The following FGF12 variants were observed in gnomAD, a reference collection of about 807,000 sequenced individuals.
FGF12 encodes fibroblast growth factor 12, also known as fibroblast growth factor 12B.
FGF12 carries 14 observed loss-of-function variants against 23.6 expected under a neutral mutation model. That is an observed-to-expected ratio of 0.59 (90% confidence interval 0.39 to 0.93). The LOEUF (loss-of-function observed/expected upper bound fraction) is 0.93, where lower values mean the gene tolerates loss of function less well. FGF12 is among the 40% of genes least tolerant of loss of function. The pLI is 0.00. For synonymous variants in FGF12, 62 were observed against 77.3 expected (o/e 0.80, Z 1.04); for missense variants, 175 against 217.8 (o/e 0.80, Z 1.24).
chr3:192,321,711 A>G (rs1011591016), intron 4 of FGF12, among the ~76,000 whole-genome samples: 14 of 152,184 alleles, frequency 9.2e-5, no homozygotes, highest in African/African-American at 3.4e-4. Flanking sequence ...AATGAAGAAC[A>G]GAAATCATAT....
intron 2 of FGF12, among the ~76,000 whole-genome samples, chr3:192,645,747 A>G (rs1484685465): frequency 2.7e-5 from 4 of 147,076 alleles, no homozygotes; most frequent in African/African-American, 1.0e-4. Context: ...TGCTGAGGAT[A>G]CAGCAGTTGA....
intron 2 of FGF12, among the ~76,000 whole-genome samples, chr3:192,533,423 C>A (rs1725144616): frequency 6.6e-6 from 1 of 152,050 alleles, no homozygotes; most frequent in African/African-American, 2.4e-5. Context: ...GGGCCTGCAC[C>A]TATAATGAAA....
intron 2 of FGF12, among the ~76,000 whole-genome samples, chr3:192,632,436 C>A (rs1213636668): frequency 6.6e-6 from 1 of 152,132 alleles, no homozygotes; most frequent in African/African-American, 2.4e-5. Context: ...TAAAGACTTA[C>A]AAAATTTTGT....
chr3:192,587,027 G>A (rs1027965610), intron 2 of FGF12, among the ~76,000 whole-genome samples: 11 of 152,004 alleles, frequency 7.2e-5, no homozygotes, highest in African/African-American at 9.7e-5. Flanking sequence ...CACTGACCCC[G>A]GGGGGTCTAC....
chr3:192,401,145 T>C (rs1720744472), intron 2 of FGF12, among the ~76,000 whole-genome samples: 1 of 152,252 alleles, frequency 6.6e-6, no homozygotes, highest in Non-Finnish European at 1.5e-5. Flanking sequence ...ATCTTTATTT[T>C]CCAAAACAAA....
At chr3:192,567,763 TTC>T (rs1200513731) in intron 2 of FGF12, among the ~76,000 whole-genome samples, 1 of 131,778 alleles carries the variant, frequency 7.6e-6, no homozygotes, top group Admixed American at 7.8e-5. Flanking sequence ...CTTTCTTTCT[TTC>T]TTTCTTTCTT....
At chr3:192,404,227 A>G (rs1720874255) in intron 2 of FGF12, among the ~76,000 whole-genome samples, 1 of 152,160 alleles carries the variant, frequency 6.6e-6, no homozygotes, top group Non-Finnish European at 1.5e-5. Context: ...AAACACCCAC[A>G]TCACTTAAAA....
chr3:192,191,845 A>T (rs927339496), intron 4 of FGF12, among the ~76,000 whole-genome samples: 6 of 152,180 alleles, frequency 3.9e-5, no homozygotes, highest in Admixed American at 1.3e-4. Context: ...CAAAAAAAAA[A>T]AAAAGCCTTT....
intron 2 of FGF12, among the ~76,000 whole-genome samples, chr3:192,433,532 G>A (rs1005165493): frequency 2.0e-5 from 3 of 152,060 alleles, no homozygotes; most frequent in Non-Finnish European, 4.4e-5. Flanking sequence ...TATAATTTTT[G>A]TCTGTAAATG....
chr3:192,722,167 G>A (rs964311611), intron 2 of FGF12, among the ~76,000 whole-genome samples: 6 of 152,112 alleles, frequency 3.9e-5, no homozygotes, highest in African/African-American at 9.7e-5. Context: ...GACCCAAAGA[G>A]GAAAAGATTT....
At chr3:192,318,091 CA>C in intron 4 of FGF12, among the ~76,000 whole-genome samples, 1 of 152,264 alleles carries the variant, frequency 6.6e-6, no homozygotes, top group South Asian at 2.1e-4. Flanking sequence ...TCACAACACC[CA>C]AGTCCTTTTG....
chr3:192,450,761 T>C (rs1233219760), intron 2 of FGF12, among the ~76,000 whole-genome samples: 1 of 152,210 alleles, frequency 6.6e-6, no homozygotes, highest in Non-Finnish European at 1.5e-5. Flanking sequence ...TTTCTGATAG[T>C]GAAGAGATCA....
rs1717162489 is a variant in FGF12, at chr3:192,672,515, C to G, written c.13+54666G>C. On this transcript the variant is annotated intron_variant, in intron 2 of 5. Transcript: ENST00000445105. ...CTTGGAAAGATGCATACAGCTTTTA[C>G]CCATGACTAATCATCACATTTTACC... Among the ~76,000 whole-genome samples the G allele has an allele frequency of 1.3e-5, 2 of 150,786 alleles. 1 individual carries two copies. The highest frequency in any genetic ancestry group is 3.0e-5 in the Non-Finnish European group (2 of 67,432).
chr3:192,321,066 C>T (rs915143646), intron 4 of FGF12, among the ~76,000 whole-genome samples: 1 of 151,848 alleles, frequency 6.6e-6, no homozygotes, highest in African/African-American at 2.4e-5. Context: ...TTAAGCCAGA[C>T]CAATGAACAA....
chr3:192,257,154 T>G (rs991811812), intron 4 of FGF12, among the ~76,000 whole-genome samples: 1 of 152,170 alleles, frequency 6.6e-6, no homozygotes, highest in African/African-American at 2.4e-5. Flanking sequence ...CTACATGCCT[T>G]TTCTAATTTT....
intron 2 of FGF12, among the ~76,000 whole-genome samples, chr3:192,566,203 C>T (rs553261611): frequency 3.9e-5 from 6 of 152,294 alleles, no homozygotes; most frequent in East Asian, 3.9e-4. Flanking sequence ...GTTACCAAAT[C>T]GCTCTACTAG....
chr3:192,566,514 C>T (rs777737753), intron 2 of FGF12, among the ~76,000 whole-genome samples: 13 of 152,114 alleles, frequency 8.5e-5, no homozygotes, highest in Admixed American at 2.0e-4. Context: ...TGTGGAGAGC[C>T]TGGGAAAATT....
chr3:192,696,618 T>C (rs532709173), intron 2 of FGF12, among the ~76,000 whole-genome samples: 1 of 152,268 alleles, frequency 6.6e-6, no homozygotes, highest in Non-Finnish European at 1.5e-5. Context: ...CTTCACTACT[T>C]ACTAAATGGG....
intron 2 of FGF12, among the ~76,000 whole-genome samples, chr3:192,433,327 G>A (rs1048395107): frequency 2.6e-5 from 4 of 152,150 alleles, no homozygotes; most frequent in African/African-American, 9.7e-5. Context: ...ACTGCAGAAG[G>A]ACAAACAAGT....
Sources: allele counts gnomAD v4.1 joint callset (sites outside exome capture counted in the v4.1 genomes callset), GRCh38; gene constraint gnomAD v4.1.1; transcripts MANE v1.5; gene names NCBI Gene and HGNC (gene_info 2026-07-23, HGNC 2026-07-21).